Variants in SNX25 observed in about 807,000 individuals in gnomAD.
SNX25 encodes the protein sorting nexin-25.
SNX25 carries 62 observed loss-of-function variants against 113.7 expected under a neutral mutation model. The ratio of observed to expected loss-of-function variants is 0.55; its 90% CI spans 0.44 to 0.67. The LOEUF (loss-of-function observed/expected upper bound fraction) is 0.67. Ranked by LOEUF, SNX25 falls within the 30% of genes least tolerant of loss-of-function variation. The probability of loss-of-function intolerance (pLI) is 0.00; values close to 1 mark genes in which losing one functional copy is unlikely to be tolerated. For synonymous variants in SNX25, 421 were observed against 436.2 expected (o/e 0.97, Z 0.43); for missense variants, 1,014 against 1,161.0 (o/e 0.87, Z 1.84).
At chr4:185,339,212 A>G (rs1030169273) in intron 10 of SNX25, among the ~76,000 whole-genome samples, 167 bp from the exon 11 acceptor site, 1 of 152,074 alleles carries the variant, frequency 6.6e-6, no homozygotes, top group African/African-American at 2.4e-5. Context: ...AATTTTTTTA[A>G]TGCTATTGTA....
At chr4:185,208,172 G>A (rs917400389), upstream of SNX25, among the ~76,000 whole-genome samples, 5 of 151,960 alleles carry the variant, frequency 3.3e-5, no homozygotes, top group Non-Finnish European at 2.9e-5. Flanking sequence ...GCAATGGCGC[G>A]ATGTCGGCTC....
chr4:185,364,830 A>G (rs1319467715), downstream of SNX25: 3 of 152,244 alleles, frequency 2.0e-5, no homozygotes, highest in Non-Finnish European at 4.4e-5. Context: ...ACTTATCACA[A>G]TACAATTATG....
chr4:185,206,681 AAG>A (rs1491113108), upstream of SNX25, among the ~76,000 whole-genome samples: 206 of 151,296 alleles, frequency 1.4e-3, no homozygotes, highest in African/African-American at 4.9e-3. Flanking sequence ...AAAAAAAAAA[AAG>A]AATGGAAGAT....
chr4:185,353,541 G>A lies in SNX25; in HGVS notation c.2523G>A (p.Arg841=). ...ATTATGGTGATGATGTGGATGGGAG[G>A]AAAGACGCCTTGGCTGAACCATGTT... ...LSDYGDDVDG[R]KDALAEPCFM... The change falls in exon 15 of 19, where the codon AGG becomes AGA. Residue 841 remains arginine, a synonymous_variant. Coordinates refer to ENST00000652585, the MANE Select transcript of SNX25 (RefSeq NM_001378034.2). 3 of 1,614,200 alleles carry A rather than the reference G, an allele frequency of 1.9e-6. No homozygotes were observed. Among genetic ancestry groups the A allele is most frequent in the Non-Finnish European group, 2.5e-6 (3 of 1,180,026 alleles).
chr4:185,247,980 TC>T (rs2126487834), intron 2 of SNX25, among the ~76,000 whole-genome samples: 1 of 152,324 alleles, frequency 6.6e-6, no homozygotes, highest in Admixed American at 6.5e-5. Flanking sequence ...ATTGACAGTT[TC>T]AGTTAATTTT....
At chr4:185,351,047 C>A (rs1280762461) in intron 13 of SNX25, among the ~76,000 whole-genome samples, 3 of 151,652 alleles carry the variant, frequency 2.0e-5, no homozygotes, top group African/African-American at 7.3e-5. Context: ...TTAGAGGTAT[C>A]CATGTGTAAT....
intron 14 of SNX25, among the ~76,000 whole-genome samples, 159 bp downstream of exon 14, chr4:185,351,768 G>A (rs1308666688): frequency 6.6e-6 from 1 of 152,174 alleles, no homozygotes; most frequent in Non-Finnish European, 1.5e-5. Context: ...TCTTCCAAGT[G>A]ACTTGCAGGG....
At chr4:185,247,416 G>T (rs199667695) in intron 2 of SNX25, 38 bp downstream of exon 2, 2 of 1,337,918 alleles carry the variant, frequency 1.5e-6, no homozygotes, top group Non-Finnish European at 2.1e-6. Flanking sequence ...ACCATGTAAA[G>T]CAATTCATTA....
intron 10 of SNX25, among the ~76,000 whole-genome samples, chr4:185,338,093 A>AT (rs929421255): frequency 8.5e-5 from 13 of 152,158 alleles, no homozygotes; most frequent in Non-Finnish European, 1.9e-4. Context: ...TGATTTGCAG[A>AT]TTTTTTAAAT....
At chr4:185,213,388 G>T (rs762031518) in intron 1 of SNX25, among the ~76,000 whole-genome samples, 8 of 152,192 alleles carry the variant, frequency 5.3e-5, no homozygotes, top group African/African-American at 9.7e-5. Context: ...GACTTCCGTG[G>T]TATCTTCAGA....
chr4:185,356,622 T>G (rs1204903017), intron 15 of SNX25, among the ~76,000 whole-genome samples: 4 of 152,248 alleles, frequency 2.6e-5, no homozygotes, highest in Non-Finnish European at 4.4e-5. Flanking sequence ...CTTTAGAGTA[T>G]ATTAATGTCT....
intron 10 of SNX25, among the ~76,000 whole-genome samples, chr4:185,338,630 C>T (rs910901837): frequency 3.9e-5 from 6 of 152,162 alleles, no homozygotes; most frequent in East Asian, 3.9e-4. Flanking sequence ...TATTTTGTTT[C>T]GATCTTTGAT....
At chr4:185,353,870 C>G (rs2095327297) in intron 15 of SNX25, among the ~76,000 whole-genome samples, 1 of 152,036 alleles carries the variant, frequency 6.6e-6, no homozygotes, top group Non-Finnish European at 1.5e-5. Flanking sequence ...ATGGTGAAAC[C>G]CCGTTTCTAC....
At chr4:185,375,504 A>ATATATATATATATATG in the SNX25 span, 1 of 79,892 alleles carries the variant, frequency 1.3e-5, no homozygotes, top group Non-Finnish European at 2.2e-5. Flanking sequence ...ATATATATAT[A>ATATATATATATATATG]TATATATATA....
intron 2 of SNX25, among the ~76,000 whole-genome samples, chr4:185,251,887 T>C (rs538625276): frequency 5.9e-5 from 9 of 152,276 alleles, no homozygotes; most frequent in Admixed American, 4.6e-4. Context: ...CTAATTTCTA[T>C]TCAGTGATTT....
At chr4:185,240,057 A>G (rs1034056506) in intron 1 of SNX25, among the ~76,000 whole-genome samples, 4 of 151,622 alleles carry the variant, frequency 2.6e-5, no homozygotes, top group Non-Finnish European at 5.9e-5. Context: ...GACACAGCAC[A>G]TGTTTCAGAG....
At chr4:185,359,052 T>A (rs956919719) in intron 16 of SNX25, among the ~76,000 whole-genome samples, 1 of 152,188 alleles carries the variant, frequency 6.6e-6, no homozygotes, top group Admixed American at 6.5e-5. Context: ...CTTAAGATTT[T>A]AAAAAAAGAG....
chr4:185,368,090 A>G (rs558057171), downstream of SNX25, among the ~76,000 whole-genome samples: 2 of 152,144 alleles, frequency 1.3e-5, no homozygotes, highest in Admixed American at 1.3e-4. Flanking sequence ...AGCCAGGAGA[A>G]TGGCGTGAAC....
At chr4:185,285,076 T>C (rs1579618684) in intron 5 of SNX25, among the ~76,000 whole-genome samples, 2 of 152,322 alleles carry the variant, frequency 1.3e-5, no homozygotes, top group Middle Eastern at 3.4e-3. Flanking sequence ...AAGTTAAAAA[T>C]GACTCATAAG....
Sources: gnomAD v4.1 joint callset for allele counts (sites outside exome capture counted in the v4.1 genomes callset) on GRCh38, gnomAD v4.1.1 for gene constraint, MANE v1.5 for transcripts, NCBI Gene and HGNC (gene_info 2026-07-23, HGNC 2026-07-21) for gene names.